SLC35A4: variants seen among roughly 807,000 people sequenced by gnomAD.
The protein encoded by SLC35A4 is probable UDP-sugar transporter protein SLC35A4.
Under a neutral mutation model 18.8 loss-of-function variants are expected in SLC35A4, and 9 were observed. That is an observed-to-expected ratio of 0.48 (90% CI 0.29 to 0.83). SLC35A4 has a LOEUF of 0.83. Among genes scored for constraint, SLC35A4 ranks in the 40% least tolerant of loss-of-function variants. The pLI, the probability that SLC35A4 is intolerant of heterozygous loss-of-function variation, is 0.09. For synonymous variants in SLC35A4, 189 were observed against 191.9 expected (o/e 0.98, Z 0.13); for missense variants, 404 against 415.5 (o/e 0.97, Z 0.24).
Position 140,565,978 on chromosome 5 carries a change from A to G in SLC35A4, c.-606+7A>G, listed in dbSNP as rs990390806. 2 of 398,814 alleles carry G rather than the reference A, an allele frequency of 5.0e-6. No individual in the cohort carries two copies. The highest frequency in any genetic ancestry group is 4.1e-5 in the African/African-American group (2 of 48,594). The allele number at this position is 398,814 out of a possible 1,614,324, so 24.7% of individuals were successfully genotyped here. On this transcript the variant is annotated splice_region_variant and intron_variant, in intron 2 of 2. Coordinates refer to ENST00000323146, the MANE Select transcript of SLC35A4 (RefSeq NM_080670.4). The stretch of plus-strand genomic sequence containing the variant: ...CAACAGTGGAGTGGGCCAGGTAAGG[A>G]CTGTCCCACCCCACCCCTGCCTTAG...
rs764829681 is a variant in SLC35A4, at chr5:140,567,556, C to T, written c.387C>T (p.Leu129=). 1.4e-5 allele frequency: 23 copies of T among 1,614,104 alleles called. No individual in the cohort carries two copies. Among genetic ancestry groups the T allele is most frequent in the African/African-American group, 2.7e-5 (2 of 74,952 alleles). ...SNLKIGSTAV[L]YCLCLRHRLS... The stretch of plus-strand genomic sequence containing the variant: ...TCAAGATTGGAAGCACAGCTGTGCT[C>T]TACTGCCTCTGCCTCCGGCACCGCC... The change falls in exon 3 of 3, where the codon CTC becomes CTT. Residue 129 remains leucine (L), a synonymous_variant. Coordinates refer to ENST00000323146, the MANE Select transcript of SLC35A4 (RefSeq NM_080670.4).
At position 140,568,340 on chromosome 5, in the gene SLC35A4, G is replaced by A. The variant is rs1437587644; in HGVS notation, c.*196G>A. 4.8e-6 allele frequency: 4 copies of A among 835,124 alleles called. No homozygotes were observed. Among genetic ancestry groups the A allele is most frequent in the Non-Finnish European group, 7.4e-6 (4 of 538,570 alleles). The allele number at this position is 835,124 out of a possible 1,614,324, so 51.7% of individuals were successfully genotyped here. On this transcript the variant is annotated 3_prime_UTR_variant, in exon 3 of 3. Coordinates refer to ENST00000323146, the MANE Select transcript of SLC35A4 (RefSeq NM_080670.4). The stretch of plus-strand genomic sequence containing the variant: ...GGGGTACCCCTAGGAGATGTGAAGT[G>A]TGGGTTTGGTTAAGGAAATGCTTAC...
chr5:140,567,912 G>A lies in SLC35A4; in HGVS notation c.743G>A (p.Gly248Asp). The change falls in exon 3 of 3, where the codon GGT becomes GAT. Residue 248 changes from glycine (G) to aspartate (D), a missense_variant. Transcript: ENST00000323146. ...GGCTCTGGCCCAGGCCTCCTGGAAG[G>A]TTTCTCAGGATGGGCAGCACTCGTG... ...GGGSGPGLLE[G>D]FSGWAALVVL... The A allele has an allele frequency of 1.9e-6, 3 of 1,614,208 alleles. No homozygotes were observed. Among genetic ancestry groups the A allele is most frequent in the Non-Finnish European group, 2.5e-6 (3 of 1,180,030 alleles).
Position 140,567,929 on chromosome 5 carries a change from G to A in SLC35A4, c.760G>A (p.Ala254Thr). 1.9e-6 allele frequency: 3 copies of A among 1,614,222 alleles called. No homozygotes were observed. The highest frequency in any genetic ancestry group is 2.5e-6 in the Non-Finnish European group (3 of 1,180,034). ...CCTGGAAGGTTTCTCAGGATGGGCA[G>A]CACTCGTGGTGCTGAGCCAGGCACT... Reference protein sequence around the residue: ...GLLEGFSGWAALVVLSQALNG... With the variant: ...GLLEGFSGWATLVVLSQALNG... Residue 254 changes from alanine to threonine, a missense_variant, in exon 3 of 3, where the codon GCA becomes ACA. Transcript: ENST00000323146.
rs763829812 is a variant in SLC35A4, at chr5:140,567,838, C to T, written c.669C>T (p.Phe223=). 1.2e-6 allele frequency: 2 copies of T among 1,614,016 alleles called. No homozygotes were observed. Among genetic ancestry groups the T allele is most frequent in the Admixed American group, 1.7e-5 (1 of 60,016 alleles). ...TGCCCCTGGCACTTCAGAACCTCTT[C>T]CTCTACACTTTTGGTGTGCTTCTGA... ...QRLPLALQNL[F]LYTFGVLLNL... Residue 223 remains phenylalanine (F), a synonymous_variant, in exon 3 of 3, where the codon TTC becomes TTT. Transcript: ENST00000323146.
In SLC35A4 at chr5:140,568,444, ATCCTTGTTGGGCAGC is replaced by A; in HGVS notation, c.*304_*318del. On this transcript the variant is annotated 3_prime_UTR_variant, in exon 3 of 3. Coordinates refer to ENST00000323146, the MANE Select transcript of SLC35A4 (RefSeq NM_080670.4). ...ATACCTAGGCCTGAGAAATAACCCC[ATCCTTGTTGGGCAGC>A]TCCCTGCTTTGTCCTGCATGAACAG... is the stretch of plus-strand genomic sequence containing the variant. The A allele has an allele frequency of 2.3e-6, 1 of 440,358 alleles. No individual in the cohort carries two copies. The highest frequency in any genetic ancestry group is 3.9e-5 in the Admixed American group (1 of 25,956). The allele number at this position is 440,358 out of a possible 1,614,324, so 27.3% of individuals were successfully genotyped here. A position where few individuals can be genotyped will look rare whatever the true frequency, so the allele number is the denominator to read the frequency against.
intron 2 of SLC35A4, among the ~76,000 whole-genome samples, 196 bp from the exon 3 acceptor site, chr5:140,566,368 AG>A (rs1056209444): frequency 5.9e-5 from 9 of 152,140 alleles, no homozygotes; most frequent in African/African-American, 2.2e-4. Flanking sequence ...TTCTGACCCC[AG>A]GGTTCTGAGA....
rs1561880687 is a variant in SLC35A4, at chr5:140,567,677, A to C, written c.508A>C (p.Ser170Arg). 3 of 1,614,058 alleles carry C rather than the reference A, an allele frequency of 1.9e-6. No individual in the cohort carries two copies. The South Asian group carries it at 3.3e-5, about 18-fold the overall frequency. ...TCAAGTTCCCGGGAACACCCTTCCC[A>C]GTCCCCCTCCAGCAGCTGCTGCCAG... ...GLQVPGNTLP[S>R]PPPAAAASPM... The change falls in exon 3 of 3, where the codon AGT becomes CGT. Residue 170 changes from serine (S) to arginine (R), a missense_variant. Coordinates refer to ENST00000323146, the MANE Select transcript of SLC35A4 (RefSeq NM_080670.4).
In SLC35A4 at chr5:140,565,289, T is replaced by A. The variant is rs140050075; in HGVS notation, c.-705+431T>A. 59 of 176,258 alleles carry A rather than the reference T, an allele frequency of 3.3e-4. 1 individual carries two copies. Among genetic ancestry groups the A allele is most frequent in the African/African-American group, 1.3e-3 (54 of 42,562 alleles). The allele number at this position is 176,258 out of a possible 1,614,324, so 10.9% of individuals were successfully genotyped here. ...GATCAAAATCACTCAGTCCATTTAC[T>A]TACACACTTGCCGACAGTCTTTTTT... On this transcript the variant is annotated intron_variant, in intron 1 of 2. Transcript: ENST00000323146.
rs1755224419 is a variant in SLC35A4 at position 140,567,679 on chromosome 5, TC to T, written c.515del (p.Pro172LeufsTer16). The T allele has an allele frequency of 1.2e-6, 2 of 1,613,740 alleles. No individual in the cohort carries two copies. The highest frequency in any genetic ancestry group is 1.7e-5 in the Admixed American group (1 of 59,996). ...AAGTTCCCGGGAACACCCTTCCCAGTCCCCCTCCAGCAGCTGCTGCCAGCCC... is the reference window on the plus strand; with the variant it reads ...AAGTTCCCGGGAACACCCTTCCCAGTCCCCTCCAGCAGCTGCTGCCAGCCC... ...LQVPGNTLPS[P>X]PPAAAASPMP... On this transcript the variant is annotated frameshift_variant, in exon 3 of 3. Transcript: ENST00000323146. LOFTEE classifies it high-confidence loss of function.
At position 140,568,009 on chromosome 5, in the gene SLC35A4, CT is replaced by C. The variant is rs1424428918; in HGVS notation, c.843del (p.Phe281LeufsTer47). ...AGCATGGCAGCAGCATCACACGCCT[CT>C]TTGTGGTGTCCTGCTCGCTGGTGGT... ...MKHGSSITRL[F>X]VVSCSLVVNA... On this transcript the variant is annotated frameshift_variant, in exon 3 of 3. Coordinates refer to ENST00000323146, the MANE Select transcript of SLC35A4 (RefSeq NM_080670.4). LOFTEE classifies it high-confidence loss of function. 1.2e-6 allele frequency: 2 copies of C among 1,613,990 alleles called. No homozygotes were observed. The highest frequency in any genetic ancestry group is 1.7e-6 in the Non-Finnish European group (2 of 1,180,020).
In SLC35A4 at chr5:140,567,661, C is replaced by T. The variant is rs767304370; in HGVS notation, c.492C>T (p.Pro164=). ...ATGCAGCAGGGGGCCTTCAAGTTCC[C>T]GGGAACACCCTTCCCAGTCCCCCTC... ...ACYAAGGLQV[P]GNTLPSPPPA... Residue 164 remains proline (P), a synonymous_variant, in exon 3 of 3, where the codon CCC becomes CCT. Transcript: ENST00000323146. The T allele has an allele frequency of 2.0e-5, 33 of 1,613,964 alleles. No individual in the cohort carries two copies. Among genetic ancestry groups the T allele is most frequent in the Middle Eastern group, 1.6e-4 (1 of 6,080 alleles).
chr5:140,566,968 C>G lies in SLC35A4; in HGVS notation c.-202C>G. On this transcript the variant is annotated 5_prime_UTR_variant, in exon 3 of 3. Transcript: ENST00000323146. ...CCCTTCCTAGCTCCATGGGACTCGC[C>G]CCAAGACTGTGGCTTCAAGGACCAC... 1.2e-6 allele frequency: 1 copy of G among 801,476 alleles called. No homozygotes were observed. Among genetic ancestry groups the G allele is most frequent in the Non-Finnish European group, 2.1e-6 (1 of 476,050 alleles). 49.6% of individuals were successfully genotyped at this position (801,476 alleles called of 1,614,324 possible). A position where few individuals can be genotyped will look rare whatever the true frequency, so the allele number is the denominator to read the frequency against.
At position 140,567,015 on chromosome 5, in the gene SLC35A4, C is replaced by T; in HGVS notation, c.-155C>T. ...CCACCAGCCCCTTACTCTTCAAGCC[C>T]TGACTGTGGAGTTGGTAGATGCCTC... On this transcript the variant is annotated 5_prime_UTR_variant, in exon 3 of 3. Transcript: ENST00000323146. 5.9e-6 allele frequency: 7 copies of T among 1,193,752 alleles called. No individual in the cohort carries two copies. The highest frequency in any genetic ancestry group is 8.5e-6 in the Non-Finnish European group (7 of 823,536). The allele number at this position is 1,193,752 out of a possible 1,614,324, so 73.9% of individuals were successfully genotyped here. A position where few individuals can be genotyped will look rare whatever the true frequency, so the allele number is the denominator to read the frequency against.
At chr5:140,566,434 T>C (rs1414475506) in intron 2 of SLC35A4, 131 bp from the exon 3 acceptor site, 1 of 398,364 alleles carries the variant, frequency 2.5e-6, no homozygotes, top group African/African-American at 2.1e-5. Context: ...TTGGGAAAAA[T>C]CTGGAGAAAA....
In SLC35A4 at chr5:140,566,560, T is replaced by G; in HGVS notation, c.-605-5T>G. On this transcript the variant is annotated splice_region_variant and splice_polypyrimidine_tract_variant and intron_variant, in intron 2 of 2. Transcript: ENST00000323146. ...CTAAGTTTCCTTCTGCATTTTTCTC[T>G]GCAGGATGGCTCGCTGTTGTCCTCC... 2.4e-6 allele frequency: 1 copy of G among 422,386 alleles called. No individual in the cohort carries two copies. The highest frequency in any genetic ancestry group is 4.2e-6 in the Non-Finnish European group (1 of 240,130). 26.2% of individuals were successfully genotyped at this position (422,386 alleles called of 1,614,324 possible).
chr5:140,568,187 G>C lies in SLC35A4; in HGVS notation c.*43G>C. On this transcript the variant is annotated 3_prime_UTR_variant, in exon 3 of 3. Transcript: ENST00000323146. Reference sequence around the variant, plus strand: ...CCTGATTCCGGACCCTGTAGATTGGGCGCCACCACCAGATCCCCCTCCCAG... The same window carrying C: ...CCTGATTCCGGACCCTGTAGATTGGCCGCCACCACCAGATCCCCCTCCCAG... 6.2e-7 allele frequency: 1 copy of C among 1,613,112 alleles called. No individual in the cohort carries two copies. Among genetic ancestry groups the C allele is most frequent in the Admixed American group, 1.7e-5 (1 of 59,980 alleles).
Position 140,568,281 on chromosome 5 carries a change from C to T in SLC35A4, c.*137C>T. 2 of 1,389,058 alleles carry T rather than the reference C, an allele frequency of 1.4e-6. No individual in the cohort carries two copies. Among genetic ancestry groups the T allele is most frequent in the Non-Finnish European group, 2.0e-6 (2 of 1,007,410 alleles). The allele number at this position is 1,389,058 out of a possible 1,614,324, so 86.0% of individuals were successfully genotyped here. A position where few individuals can be genotyped will look rare whatever the true frequency, so the allele number is the denominator to read the frequency against. On this transcript the variant is annotated 3_prime_UTR_variant, in exon 3 of 3. Transcript: ENST00000323146. ...GTGAGAAAAGCTGGAGAAGTGAGGGCAGCCAGGTTATTCTCTGGAGGTTGG... is the reference window on the plus strand; with the variant it reads ...GTGAGAAAAGCTGGAGAAGTGAGGGTAGCCAGGTTATTCTCTGGAGGTTGG...
chr5:140,567,626 G>T lies in SLC35A4; in HGVS notation c.457G>T (p.Gly153Ter), dbSNP rs1196497895. The T allele has an allele frequency of 6.2e-7, 1 of 1,614,156 alleles. No individual in the cohort carries two copies. The highest frequency in any genetic ancestry group is 8.5e-7 in the Non-Finnish European group (1 of 1,180,032). ...GLALLLLMAAGACYAAGGLQV... is the reference protein window; with the variant it reads ...GLALLLLMAA ...AGCGCTGCTGCTGCTGATGGCTGCG[G>T]GAGCCTGCTATGCAGCAGGGGGCCT... Residue 153 changes from glycine to a stop codon, truncating the protein, a stop_gained, in exon 3 of 3, where the codon GGA (glycine) becomes TGA (stop). Coordinates refer to ENST00000323146, the MANE Select transcript of SLC35A4 (RefSeq NM_080670.4). LOFTEE classifies it high-confidence loss of function.
Sources: allele counts gnomAD v4.1 joint callset (sites outside exome capture counted in the v4.1 genomes callset), GRCh38; gene constraint gnomAD v4.1.1; transcripts MANE v1.5; gene names NCBI Gene and HGNC (gene_info 2026-07-23, HGNC 2026-07-21).